Variants in ADAMTSL1 observed in about 807,000 individuals in gnomAD.
ADAMTSL1 encodes ADAMTS like 1.
A neutral mutation model predicts 201.8 loss-of-function variants in ADAMTSL1; 126 were observed. The ratio of observed to expected loss-of-function variants is 0.62; its 90% CI spans 0.54 to 0.72. ADAMTSL1 has a LOEUF of 0.72. Ranked by LOEUF, ADAMTSL1 falls within the 30% of genes least tolerant of loss-of-function variation. The pLI is 0.00. For synonymous variants in ADAMTSL1, 1,121 were observed against 903.4 expected, an observed-to-expected ratio of 1.24 and a Z score of -4.32; for missense variants, 2,679 against 2,277.8, an observed-to-expected ratio of 1.18 and a Z score of -3.59.
intron 16 of ADAMTSL1, among the ~76,000 whole-genome samples, chr9:18,766,342 T>A (rs1357343238): frequency 2.0e-5 from 3 of 152,144 alleles, no homozygotes; most frequent in Non-Finnish European, 2.9e-5. Context: ...GGGAACGTCA[T>A]TGGAGGGTTT....
intron 2 of ADAMTSL1, among the ~76,000 whole-genome samples, chr9:18,361,753 G>A (rs1025627039): frequency 3.3e-5 from 5 of 152,098 alleles, no homozygotes; most frequent in African/African-American, 7.2e-5. Flanking sequence ...AAAAATCTCC[G>A]GAGACTTTGT....
chr9:18,568,314 C>T (rs1162548109), intron 3 of ADAMTSL1, among the ~76,000 whole-genome samples: 1 of 152,020 alleles, frequency 6.6e-6, no homozygotes, highest in Non-Finnish European at 1.5e-5. Context: ...GTAACAAAGA[C>T]CAAAATATGT....
chr9:17,948,937 A>G (rs1443919032), intron 1 of ADAMTSL1, among the ~76,000 whole-genome samples: 3 of 152,192 alleles, frequency 2.0e-5, no homozygotes, highest in Admixed American at 2.0e-4. Flanking sequence ...TTTACATGGG[A>G]AGAAACTGAG....
At chr9:18,582,498 T>A (rs1823165432) in intron 4 of ADAMTSL1, among the ~76,000 whole-genome samples, 1 of 152,162 alleles carries the variant, frequency 6.6e-6, no homozygotes, top group South Asian at 2.1e-4. Context: ...GAGCAGATCT[T>A]TCCTGGTCTC....
intron 1 of ADAMTSL1, among the ~76,000 whole-genome samples, chr9:18,132,515 C>T (rs957544719): frequency 3.9e-5 from 6 of 152,082 alleles, no homozygotes; most frequent in Middle Eastern, 3.2e-3. Flanking sequence ...TGATCTGCCA[C>T]GGGTTAGATT....
At chr9:17,968,076 G>A (rs900047327) in intron 1 of ADAMTSL1, among the ~76,000 whole-genome samples, 1 of 152,046 alleles carries the variant, frequency 6.6e-6, no homozygotes, top group East Asian at 1.9e-4. Context: ...TTAGTTGTTC[G>A]AGGAAGAATC....
At chr9:18,863,397 T>G (rs1827325220) in intron 23 of ADAMTSL1, among the ~76,000 whole-genome samples, 1 of 152,124 alleles carries the variant, frequency 6.6e-6, no homozygotes, top group African/African-American at 2.4e-5. Context: ...ACGCTAGGGG[T>G]GAAGAGACAT....
chr9:18,360,343 C>A (rs558687724), intron 2 of ADAMTSL1, among the ~76,000 whole-genome samples: 1 of 152,270 alleles, frequency 6.6e-6, no homozygotes, highest in East Asian at 1.9e-4. Flanking sequence ...GGAGTCCTGT[C>A]ATGGTTTCAG....
chr9:18,752,635 G>A (rs1819530574), intron 15 of ADAMTSL1, among the ~76,000 whole-genome samples: 1 of 152,152 alleles, frequency 6.6e-6, no homozygotes, highest in Non-Finnish European at 1.5e-5. Flanking sequence ...GCCAGTTCGT[G>A]CACTCAACTC....
intron 23 of ADAMTSL1, among the ~76,000 whole-genome samples, chr9:18,857,750 G>A (rs1326471878): frequency 6.6e-6 from 1 of 152,154 alleles, no homozygotes; most frequent in Non-Finnish European, 1.5e-5. Context: ...GAACTTACCT[G>A]CATGAACTTG....
intron 20 of ADAMTSL1, among the ~76,000 whole-genome samples, chr9:18,811,059 CTCTCTA>C (rs1373152009): frequency 1.4e-5 from 2 of 145,260 alleles, no homozygotes; most frequent in Non-Finnish European, 3.0e-5. Flanking sequence ...GAAACCTTCT[CTCTCTA>C]ACAAAAGGAC....
intron 3 of ADAMTSL1, 126 bp downstream of exon 3, chr9:18,533,418 G>T (rs1819561394): frequency 3.3e-6 from 2 of 599,062 alleles, no homozygotes; most frequent in East Asian, 3.0e-5. Context: ...ATCTCATACT[G>T]TACTGATTAT....
intron 2 of ADAMTSL1, among the ~76,000 whole-genome samples, chr9:18,186,370 C>T (rs992189257): frequency 2.0e-5 from 3 of 152,096 alleles, no homozygotes; most frequent in Non-Finnish European, 2.9e-5. Context: ...TTTTGGTCTT[C>T]TCTGCATCTC....
At chr9:18,769,904 CA>C (rs1820590306) in intron 16 of ADAMTSL1, among the ~76,000 whole-genome samples, 1 of 152,210 alleles carries the variant, frequency 6.6e-6, no homozygotes, top group African/African-American at 2.4e-5. Context: ...GTCTGTGCTT[CA>C]GGGGGCCTCC....
intron 1 of ADAMTSL1, among the ~76,000 whole-genome samples, chr9:17,952,377 T>G (rs867462440): frequency 1.3e-5 from 2 of 152,260 alleles, no homozygotes; most frequent in South Asian, 2.1e-4. Flanking sequence ...CTTTAATCCA[T>G]GTGGTAATTT....
chr9:17,981,963 C>G (rs1043303460), intron 1 of ADAMTSL1, among the ~76,000 whole-genome samples: 4 of 152,176 alleles, frequency 2.6e-5, no homozygotes, highest in Non-Finnish European at 5.9e-5. Context: ...GCAACAAAAT[C>G]TCAAGTGTGA....
intron 3 of ADAMTSL1, among the ~76,000 whole-genome samples, chr9:18,572,175 A>G (rs1452360630): frequency 1.3e-5 from 2 of 151,730 alleles, no homozygotes; most frequent in East Asian, 3.9e-4. Context: ...ACCCGGGGAG[A>G]CAGAGCGAGA....
intron 2 of ADAMTSL1, among the ~76,000 whole-genome samples, chr9:18,182,630 A>G (rs992500629): frequency 2.0e-5 from 3 of 152,214 alleles, no homozygotes; most frequent in East Asian, 1.9e-4. Context: ...AGGTAGTGAT[A>G]ATAATAGTGA....
chr9:18,154,616 A>G (rs187036925), intron 1 of ADAMTSL1, among the ~76,000 whole-genome samples: 197 of 152,212 alleles, frequency 1.3e-3, no homozygotes, highest in African/African-American at 4.6e-3. Context: ...ATATAAACAA[A>G]TGACAAAAGA....
Sources: allele counts gnomAD v4.1 joint callset (sites outside exome capture counted in the v4.1 genomes callset), GRCh38; gene constraint gnomAD v4.1.1; transcripts MANE v1.5; gene names NCBI Gene and HGNC (gene_info 2026-07-23, HGNC 2026-07-21).